The following DGKI variants were observed in gnomAD, a reference collection of about 807,000 sequenced individuals.
DGKI encodes DAG kinase iota.
A neutral mutation model predicts 147.5 loss-of-function variants in DGKI; 55 were observed. That is an observed-to-expected ratio of 0.37 (90% CI 0.30 to 0.47). DGKI has a LOEUF of 0.47. DGKI is among the 20% of genes least tolerant of loss of function. DGKI has a pLI of 1.00. For missense variants in DGKI, 1,007 were observed against 1,323.8 expected, an observed-to-expected ratio of 0.76 and a Z score of 3.71; for synonymous variants, 469 against 477.1, an observed-to-expected ratio of 0.98 and a Z score of 0.22.
intron 8 of DGKI, among the ~76,000 whole-genome samples, chr7:137,610,639 T>C (rs552472858): frequency 2.0e-5 from 3 of 152,356 alleles, no homozygotes; most frequent in Admixed American, 1.3e-4. Context: ...ATTAAAAGTT[T>C]ATATAAGTAT....
intron 3 of DGKI, among the ~76,000 whole-genome samples, chr7:137,662,573 A>T (rs1001700101): frequency 4.6e-5 from 7 of 151,744 alleles, no homozygotes; most frequent in Non-Finnish European, 1.0e-4. Context: ...TCAGTATATC[A>T]CTCATTCTGT....
intron 30 of DGKI, among the ~76,000 whole-genome samples, chr7:137,406,000 G>A (rs982546297): frequency 2.0e-5 from 3 of 152,108 alleles, no homozygotes; most frequent in Non-Finnish European, 4.4e-5. Context: ...GGGTGGGGGG[G>A]TGTGGAGAGA....
intron 20 of DGKI, among the ~76,000 whole-genome samples, chr7:137,525,894 G>A (rs1195305424): frequency 6.6e-6 from 1 of 151,982 alleles, no homozygotes; most frequent in Non-Finnish European, 1.5e-5. Flanking sequence ...TACCTCTGGG[G>A]GGAGATTGTC....
intron 10 of DGKI, among the ~76,000 whole-genome samples, chr7:137,608,240 GAAGAAAATAA>G (rs1264692482): frequency 6.6e-6 from 1 of 152,108 alleles, no homozygotes; most frequent in Non-Finnish European, 1.5e-5. Flanking sequence ...TCCAAACTCA[GAAGAAAATAA>G]CAGAAAATTA....
chr7:137,478,780 G>A (rs1815267125), intron 23 of DGKI, among the ~76,000 whole-genome samples: 1 of 152,192 alleles, frequency 6.6e-6, no homozygotes, highest in South Asian at 2.1e-4. Context: ...TTAGCTTCAT[G>A]GAAGCTCTAG....
intron 32 of DGKI, among the ~76,000 whole-genome samples, chr7:137,392,403 A>G (rs1349424173): frequency 6.6e-6 from 1 of 152,222 alleles, no homozygotes; most frequent in Non-Finnish European, 1.5e-5. Context: ...AAGTTATGTT[A>G]AGTTCCAAAG....
intron 28 of DGKI, among the ~76,000 whole-genome samples, chr7:137,433,839 C>T (rs1813175884): frequency 1.3e-5 from 2 of 152,148 alleles, no homozygotes; most frequent in African/African-American, 2.4e-5. Context: ...AACTAGGGGC[C>T]GGGCGTGGTG....
intron 1 of DGKI, among the ~76,000 whole-genome samples, chr7:137,826,885 G>A (rs575472298): frequency 4.6e-5 from 7 of 152,206 alleles, no homozygotes; most frequent in Non-Finnish European, 1.0e-4. Context: ...AACACCATCC[G>A]TTATATTCCT....
intron 6 of DGKI, among the ~76,000 whole-genome samples, chr7:137,633,313 C>T (rs1821200052): frequency 6.6e-6 from 1 of 151,702 alleles, no homozygotes; most frequent in Admixed American, 6.6e-5. Context: ...CCTTTGTCCT[C>T]AATTGTGTAA....
chr7:137,428,418 A>G (rs1812913083), intron 28 of DGKI, among the ~76,000 whole-genome samples: 1 of 152,310 alleles, frequency 6.6e-6, no homozygotes, highest in South Asian at 2.1e-4. Flanking sequence ...AATAAGAGCT[A>G]TCTATGACAA....
intron 20 of DGKI, among the ~76,000 whole-genome samples, chr7:137,540,587 G>A (rs1817654823): frequency 6.6e-6 from 1 of 151,928 alleles, no homozygotes; most frequent in Non-Finnish European, 1.5e-5. Flanking sequence ...TCAGGAGGCT[G>A]AGGTGGGAAG....
chr7:137,700,745 G>T (rs1823949016), intron 1 of DGKI, among the ~76,000 whole-genome samples: 2 of 152,138 alleles, frequency 1.3e-5, no homozygotes, highest in Admixed American at 6.5e-5. Flanking sequence ...AGGCATGGTG[G>T]CGGGAGCCTA....
intron 12 of DGKI, among the ~76,000 whole-genome samples, chr7:137,595,859 C>T (rs1409467412): frequency 2.6e-5 from 4 of 151,142 alleles, no homozygotes; most frequent in Admixed American, 1.3e-4. Flanking sequence ...AAAATTAGCC[C>T]GCTGTGGTGG....
intron 1 of DGKI, among the ~76,000 whole-genome samples, chr7:137,835,159 C>T (rs1798333660): frequency 6.6e-6 from 1 of 152,178 alleles, no homozygotes; most frequent in Non-Finnish European, 1.5e-5. Flanking sequence ...CCTTAGCATT[C>T]TAAATTACCC....
intron 5 of DGKI, among the ~76,000 whole-genome samples, chr7:137,650,823 A>G (rs1289772219): frequency 6.6e-6 from 1 of 152,204 alleles, no homozygotes; most frequent in Non-Finnish European, 1.5e-5. Flanking sequence ...GACTAAGACA[A>G]TGGCTGAGGG....
At chr7:137,474,027 C>T (rs1268397503) in intron 23 of DGKI, among the ~76,000 whole-genome samples, 1 of 152,172 alleles carries the variant, frequency 6.6e-6, no homozygotes, top group Admixed American at 6.5e-5. Context: ...TTTGCATCCT[C>T]TTCCAACTTT....
At chr7:137,504,715 C>G (rs564357370) in intron 21 of DGKI, among the ~76,000 whole-genome samples, 2 of 152,048 alleles carry the variant, frequency 1.3e-5, no homozygotes, top group African/African-American at 4.8e-5. Flanking sequence ...TTTAATCAAC[C>G]TATGCATAGT....
intron 1 of DGKI, among the ~76,000 whole-genome samples, chr7:137,693,739 G>C (rs1013752306): frequency 6.6e-6 from 1 of 152,182 alleles, no homozygotes; most frequent in Admixed American, 6.5e-5. Context: ...TTAGATCAAG[G>C]GTTGAGAAAT....
At chr7:137,571,479 A>G (rs1190039228) in intron 18 of DGKI, among the ~76,000 whole-genome samples, 193 bp from the exon 19 acceptor site, 1 of 152,250 alleles carries the variant, frequency 6.6e-6, no homozygotes, top group Non-Finnish European at 1.5e-5. Context: ...AAAACGGGCC[A>G]TAATTTTGCA....
Sources: gnomAD v4.1 joint callset for allele counts (sites outside exome capture counted in the v4.1 genomes callset) on GRCh38, gnomAD v4.1.1 for gene constraint, MANE v1.5 for transcripts, NCBI Gene and HGNC (gene_info 2026-07-23, HGNC 2026-07-21) for gene names.